The following MED12L variants were observed in gnomAD, a reference collection of about 807,000 sequenced individuals.
MED12L encodes the protein mediator complex subunit 12L.
MED12L carries 60 observed loss-of-function variants against 281.3 expected under a neutral mutation model. The ratio of observed to expected loss-of-function variants is 0.21; its 90% CI spans 0.17 to 0.26. The LOEUF (loss-of-function observed/expected upper bound fraction) is 0.26. Ranked by LOEUF, MED12L falls within the 10% of genes least tolerant of loss-of-function variation. The pLI is 1.00. For missense variants in MED12L, 2,146 were observed against 2,680.9 expected, an observed-to-expected ratio of 0.80 and a Z score of 4.41; for synonymous variants, 974 against 987.2, an observed-to-expected ratio of 0.99 and a Z score of 0.25.
rs1423837167 is a variant in MED12L at position 151,150,776 on chromosome 3, A to G, written c.557-5385A>G. On this transcript the variant is annotated intron_variant, in intron 5 of 44. Coordinates refer to ENST00000687756, the MANE Select transcript of MED12L (RefSeq NM_001393769.1). ...CGTCAGCATTGCTGCTTCACCTTAT[A>G]CTTCCATGTTGTGACAATGGCTTCT... is the stretch of plus-strand genomic sequence containing the variant. Among the ~76,000 whole-genome samples, 3 of 152,282 alleles carry G rather than the reference A, an allele frequency of 2.0e-5. No homozygotes were observed. The East Asian group carries it at 5.8e-4, about 29-fold the overall frequency.
chr3:151,214,130 T>C (rs1442258047), intron 16 of MED12L: 1 of 1,613,878 alleles, frequency 6.2e-7, no homozygotes, highest in East Asian at 2.2e-5. Flanking sequence ...GCAATAACAA[T>C]GTTCTTGAGA....
Position 151,284,565 on chromosome 3 carries a change from T to A in MED12L, c.2251-65494T>A, listed in dbSNP as rs769305705. Among the ~76,000 whole-genome samples, 27 of 152,216 alleles carry A rather than the reference T, an allele frequency of 1.8e-4. 1 individual carries two copies. Among genetic ancestry groups the A allele is most frequent in the Admixed American group, 8.5e-4 (13 of 15,286 alleles). On this transcript the variant is annotated intron_variant, in intron 16 of 44. Transcript: ENST00000687756. The stretch of plus-strand genomic sequence containing the variant: ...TGTGGACCTGTTAGTTTAATCAGAA[T>A]GAAGAATCAGTGAGGCCAAATTTTT...
chr3:151,396,442 A>G (rs1382137858), intron 39 of MED12L, among the ~76,000 whole-genome samples: 1 of 152,110 alleles, frequency 6.6e-6, no homozygotes, highest in African/African-American at 2.4e-5. Context: ...AACCTGGCCA[A>G]CATGGTGAAA....
chr3:151,202,532 C>T (rs569799185), intron 16 of MED12L, among the ~76,000 whole-genome samples: 10 of 152,154 alleles, frequency 6.6e-5, no homozygotes, highest in South Asian at 4.1e-4. Flanking sequence ...TTAGCCAACG[C>T]GGTGGCGGGC....
chr3:151,230,197 A>T (rs1559908411), intron 16 of MED12L, among the ~76,000 whole-genome samples: 2 of 152,044 alleles, frequency 1.3e-5, no homozygotes, highest in African/African-American at 2.4e-5. Context: ...GATTGTCTTG[A>T]TCTCCTGACC....
chr3:151,387,040 A>G (rs545430699), intron 36 of MED12L, among the ~76,000 whole-genome samples: 1 of 152,334 alleles, frequency 6.6e-6, no homozygotes, highest in Admixed American at 6.5e-5. Context: ...AGCTACTCAT[A>G]AAAGAATGCA....
intron 26 of MED12L, 117 bp downstream of exon 26, chr3:151,369,666 T>G (rs1755939148): frequency 1.6e-6 from 1 of 625,638 alleles, no homozygotes; most frequent in Non-Finnish European, 2.6e-6. Flanking sequence ...TTTGATCGCT[T>G]ATTCTCCTGG....
chr3:151,357,113 G>A (rs1482571819), intron 19 of MED12L, 100 bp from the exon 20 acceptor site: 4 of 965,118 alleles, frequency 4.1e-6, no homozygotes, highest in East Asian at 2.7e-5. Context: ...GAATGTATTT[G>A]TAGTGTAATG....
rs114822450 is a variant in MED12L, at chr3:151,361,314, C to A, written c.2957+709C>A. On this transcript the variant is annotated intron_variant, in intron 21 of 44. Coordinates refer to ENST00000687756, the MANE Select transcript of MED12L (RefSeq NM_001393769.1). ...ATGAGTTTTTTTAAAATGACCAGTA[C>A]CCTCACTGAATAACATTAAATCAAT... Among the ~76,000 whole-genome samples, 813 of 152,042 alleles carry A rather than the reference C, an allele frequency of 5.3e-3. 12 individuals carry two copies. The highest frequency in any genetic ancestry group is 0.019 in the African/African-American group (774 of 41,470).
chr3:151,381,065 C>T (rs561522033), intron 32 of MED12L, among the ~76,000 whole-genome samples: 15 of 152,362 alleles, frequency 9.8e-5, no homozygotes, highest in African/African-American at 3.6e-4. Flanking sequence ...GAGGCTCTTG[C>T]ATCTATGTAC....
intron 43 of MED12L, among the ~76,000 whole-genome samples, chr3:151,428,831 T>C (rs1425187190): frequency 6.6e-6 from 1 of 151,724 alleles, no homozygotes; most frequent in Non-Finnish European, 1.5e-5. Context: ...TTGTACTAAA[T>C]GCAATATTTG....
intron 4 of MED12L, among the ~76,000 whole-genome samples, 190 bp from the exon 5 acceptor site, chr3:151,127,635 A>C (rs1158747316): frequency 6.6e-6 from 1 of 152,226 alleles, no homozygotes; most frequent in East Asian, 1.9e-4. Flanking sequence ...TCTTAATGAA[A>C]ATTGGCTTAA....
chr3:151,172,044 A>G (rs1312033218), intron 11 of MED12L, among the ~76,000 whole-genome samples: 1 of 152,192 alleles, frequency 6.6e-6, no homozygotes. Flanking sequence ...TTGGCTTGGA[A>G]AGGTAGAGAT....
chr3:151,294,859 G>A (rs1435793959), intron 16 of MED12L: 3 of 1,613,982 alleles, frequency 1.9e-6, no homozygotes, highest in Non-Finnish European at 1.7e-6. Flanking sequence ...CAAGGAACAC[G>A]ATGGAAGTAT....
At chr3:151,253,196 A>C (rs912541948) in intron 16 of MED12L, among the ~76,000 whole-genome samples, 1 of 152,180 alleles carries the variant, frequency 6.6e-6, no homozygotes, top group Non-Finnish European at 1.5e-5. Flanking sequence ...TCAGTGTCTG[A>C]GATTTAAGAG....
chr3:151,241,637 C>T (rs962663663), intron 16 of MED12L, among the ~76,000 whole-genome samples: 6 of 152,050 alleles, frequency 3.9e-5, no homozygotes, highest in Non-Finnish European at 8.8e-5. Flanking sequence ...TATACACACA[C>T]AGTAGGATAT....
In MED12L at chr3:151,376,739, A is replaced by G. The variant is rs374442250; in HGVS notation, c.4054-61A>G. The stretch of plus-strand genomic sequence containing the variant: ...TCTTGAGAGAAGGAGTACTGTAAGA[A>G]ATTACTGTATTTTAACACATTTGAT... On this transcript the variant is annotated intron_variant, in intron 28 of 44. Transcript: ENST00000687756. 143 of 1,340,886 alleles carry G rather than the reference A, an allele frequency of 1.1e-4. No homozygotes were observed. The African/African-American group carries it at 1.5e-3, about 14-fold the overall frequency. 83.1% of individuals were successfully genotyped at this position (1,340,886 alleles called of 1,614,324 possible).
chr3:151,383,393 A>G (rs560727035), intron 33 of MED12L, among the ~76,000 whole-genome samples: 258 of 152,368 alleles, frequency 1.7e-3, no homozygotes, highest in Non-Finnish European at 2.7e-3. Flanking sequence ...CTTAGATTCA[A>G]TAGTAATTGT....
intron 16 of MED12L, among the ~76,000 whole-genome samples, chr3:151,247,176 T>G (rs1735736800): frequency 6.6e-6 from 1 of 151,994 alleles, no homozygotes; most frequent in Non-Finnish European, 1.5e-5. Flanking sequence ...GACTGTAAAC[T>G]AGTTCAACCA....
Sources: gnomAD v4.1 joint callset for allele counts (sites outside exome capture counted in the v4.1 genomes callset) on GRCh38, gnomAD v4.1.1 for gene constraint, MANE v1.5 for transcripts, NCBI Gene and HGNC (gene_info 2026-07-23, HGNC 2026-07-21) for gene names.